Variants in DDX21 observed in about 807,000 individuals in gnomAD.
The protein encoded by DDX21 is nucleolar RNA helicase 2.
In DDX21, 18 loss-of-function variants were observed where a neutral mutation model predicts 90.0. That is an observed-to-expected ratio of 0.20 (90% CI 0.14 to 0.30). The LOEUF (loss-of-function observed/expected upper bound fraction) is 0.30. DDX21 is among the 10% of genes least tolerant of loss of function. The pLI is 1.00. For missense variants in DDX21, 673 were observed against 944.5 expected (o/e 0.71, Z 3.77); for synonymous variants, 294 against 318.0 (o/e 0.92, Z 0.80).
intron 6 of DDX21, 113 bp from the exon 7 acceptor site, chr10:68,968,863 T>C (rs1842979869): frequency 7.9e-7 from 1 of 1,267,578 alleles, no homozygotes; most frequent in East Asian, 2.5e-5. Context: ...CGACTTGGCC[T>C]CAGGTGGTTG....
intron 6 of DDX21, among the ~76,000 whole-genome samples, chr10:68,967,568 C>T (rs896031324): frequency 1.3e-5 from 2 of 151,592 alleles, no homozygotes; most frequent in Non-Finnish European, 2.9e-5. Context: ...AAAGTCATTA[C>T]TCTGGGATTA....
chr10:68,960,215 C>G lies in DDX21; in HGVS notation c.497C>G (p.Ala166Gly), dbSNP rs770854840. The G allele has an allele frequency of 6.2e-7, 1 of 1,607,132 alleles. No individual in the cohort carries two copies. Among genetic ancestry groups the G allele is most frequent in the Admixed American group, 1.7e-5 (1 of 57,626 alleles). The part of the protein sequence containing the change: ...HPEPDCNPSE[A>G]ASEESNSEIE... ...GAACCGGACTGTAACCCCAGTGAAG[C>G]TGCCAGTGAAGAAAGTAACAGTGAG... Residue 166 changes from alanine (A) to glycine (G), a missense_variant, in exon 2 of 15, where the codon GCT becomes GGT. Around this residue, in one of 4 missense-constraint regions of DDX21, gnomAD observed 204 missense variants for 221.6 expected, o/e 0.92. Transcript: ENST00000354185.
At chr10:68,956,525 C>G (rs1842796756) in intron 1 of DDX21, 3 of 1,413,070 alleles carry the variant, frequency 2.1e-6, no homozygotes, top group Non-Finnish European at 2.8e-6. Flanking sequence ...GTCCGCCGTG[C>G]GCTGACCTCT....
At chr10:68,981,359 T>G (rs1843188640) in intron 13 of DDX21, among the ~76,000 whole-genome samples, 178 bp from the exon 14 acceptor site, 1 of 152,228 alleles carries the variant, frequency 6.6e-6, no homozygotes, top group Admixed American at 6.5e-5. Flanking sequence ...CTTTCTGCAG[T>G]GTACTTTTGG....
In DDX21 at chr10:68,975,771, G is replaced by A. The variant is rs536332347; in HGVS notation, c.1742+1028G>A. Among the ~76,000 whole-genome samples the A allele has an allele frequency of 6.6e-5, 10 of 152,042 alleles. No individual in the cohort carries two copies. In the South Asian group the frequency reaches 1.2e-3, roughly 19 times the overall value. On this transcript the variant is annotated intron_variant, in intron 11 of 14. Coordinates refer to ENST00000354185, the MANE Select transcript of DDX21 (RefSeq NM_004728.4). ...CTATAAAAAATACAAAAATTAGGCC[G>A]GGTGCGGTGGCTCACACCTGTAATC...
chr10:68,982,445 C>A, intron 14 of DDX21, 98 bp from the exon 15 acceptor site: 2 of 1,472,050 alleles, frequency 1.4e-6, no homozygotes, highest in Non-Finnish European at 1.8e-6. Context: ...ATGTTATCAC[C>A]TTTTCTTTGA....
Position 68,973,996 on chromosome 10 carries a change from A to G in DDX21, c.1668+332A>G, listed in dbSNP as rs77021976. On this transcript the variant is annotated intron_variant, in intron 10 of 14. Transcript: ENST00000354185. ...GTCAAAAGGATAAAGGGGAGAAGAG[A>G]CTAATTTTTCCTCCAGGAGAATTGG... Among the ~76,000 whole-genome samples the G allele has an allele frequency of 1.6e-3, 249 of 152,312 alleles. 1 individual carries two copies. Among genetic ancestry groups the G allele is most frequent in the Non-Finnish European group, 2.5e-3 (169 of 68,026 alleles).
Position 68,971,938 on chromosome 10 carries a change from C to A in DDX21, c.1434C>A (p.Ile478=). Residue 478 remains isoleucine, a synonymous_variant, in exon 9 of 15, where the codon ATC becomes ATA. Transcript: ENST00000354185. The part of the protein sequence containing the change: ...HGDIPQKQRE[I]TLKGFRNGSF... ...ACATTCCACAGAAGCAAAGGGAAAT[C>A]ACCCTGAAAGGTTTTAGAAATGGTA... 1 of 1,614,166 alleles carries A rather than the reference C, an allele frequency of 6.2e-7. No homozygotes were observed. Among genetic ancestry groups the A allele is most frequent in the Non-Finnish European group, 8.5e-7 (1 of 1,180,018 alleles).
chr10:68,972,203 A>G (rs188281295), intron 9 of DDX21, 151 bp downstream of exon 9: 1 of 872,200 alleles, frequency 1.1e-6, no homozygotes, highest in African/African-American at 1.7e-5. Context: ...TGAACCTGTT[A>G]TCAGACACCC....
At chr10:68,956,357 G>T in intron 1 of DDX21, 45 bp downstream of exon 1, 1 of 1,610,276 alleles carries the variant, frequency 6.2e-7, no homozygotes, top group South Asian at 1.1e-5. Flanking sequence ...TGAATGGAGC[G>T]GAACCCCGGG....
rs532040466 is a variant in DDX21 at position 68,984,487 on chromosome 10, A to G, written c.*1675A>G. ...ATCCACTTGCCAGTTTTATCACTTTACCCTTGTTCCTCATGGCTTCCCATC... is the reference window on the plus strand; with the variant it reads ...ATCCACTTGCCAGTTTTATCACTTTGCCCTTGTTCCTCATGGCTTCCCATC... On this transcript the variant is annotated 3_prime_UTR_variant, in exon 15 of 15. Coordinates refer to ENST00000354185, the MANE Select transcript of DDX21 (RefSeq NM_004728.4). 6.6e-6 allele frequency: 1 copy of G among 152,262 alleles called. No homozygotes were observed. Among genetic ancestry groups the G allele is most frequent in the East Asian group, 1.9e-4 (1 of 5,180 alleles). 9.4% of individuals were successfully genotyped at this position (152,262 alleles called of 1,614,324 possible).
chr10:68,972,125 A>T lies in DDX21; in HGVS notation c.1548+73A>T, dbSNP rs911781641. On this transcript the variant is annotated intron_variant, in intron 9 of 14. Coordinates refer to ENST00000354185, the MANE Select transcript of DDX21 (RefSeq NM_004728.4). ...ATTAAAACAAATTGGAAATTGTATT[A>T]TTTACTTTCATGTCATTAGTATATA... The T allele has an allele frequency of 1.0e-4, 155 of 1,506,256 alleles. No homozygotes were observed. The Admixed American group carries it at 1.1e-3, about 11-fold the overall frequency. 93.3% of individuals were successfully genotyped at this position (1,506,256 alleles called of 1,614,324 possible). A position where few individuals can be genotyped will look rare whatever the true frequency, so the allele number is the denominator to read the frequency against.
intron 2 of DDX21, among the ~76,000 whole-genome samples, chr10:68,961,810 A>AATCTTAGTTGAG (rs1428163256): frequency 6.6e-6 from 1 of 152,218 alleles, no homozygotes; most frequent in African/African-American, 2.4e-5. Context: ...AGTCACACAT[A>AATCTTAGTTGAG]ATCTTAGTTG....
Position 68,966,998 on chromosome 10 carries a change from C to G in DDX21, c.905-20C>G, listed in dbSNP as rs754709323. On this transcript the variant is annotated intron_variant, in intron 5 of 14. Transcript: ENST00000354185. ...AGTACTTACTAAAAACCCAGCAAAT[C>G]TTGTCATTGTTTTTTATAGTTGAAC... is the stretch of plus-strand genomic sequence containing the variant. 6.3e-7 allele frequency: 1 copy of G among 1,599,302 alleles called. No individual in the cohort carries two copies. Among genetic ancestry groups the G allele is most frequent in the Non-Finnish European group, 8.5e-7 (1 of 1,170,282 alleles).
Position 68,971,959 on chromosome 10 carries a change from T to C in DDX21, c.1455T>C (p.Asn485=). ...QREITLKGFR[N]GSFGVLVATN... is the part of the protein sequence containing the mutation. Reference sequence around the variant, plus strand: ...AAATCACCCTGAAAGGTTTTAGAAATGGTAGTTTTGGAGTTTTGGTGGCAA... The same window carrying C: ...AAATCACCCTGAAAGGTTTTAGAAACGGTAGTTTTGGAGTTTTGGTGGCAA... Residue 485 remains asparagine, a synonymous_variant, in exon 9 of 15, where the codon AAT becomes AAC. Coordinates refer to ENST00000354185, the MANE Select transcript of DDX21 (RefSeq NM_004728.4). 6.2e-7 allele frequency: 1 copy of C among 1,614,130 alleles called. No individual in the cohort carries two copies. Among genetic ancestry groups the C allele is most frequent in the Non-Finnish European group, 8.5e-7 (1 of 1,180,004 alleles).
At chr10:68,956,367 G>C in intron 1 of DDX21, 55 bp downstream of exon 1, 2 of 1,608,572 alleles carry the variant, frequency 1.2e-6, no homozygotes, top group South Asian at 1.1e-5. Context: ...GGAACCCCGG[G>C]GTGCGGGAGA....
At chr10:68,956,771 G>A in intron 1 of DDX21, 3 of 1,002,570 alleles carry the variant, frequency 3.0e-6, no homozygotes, top group South Asian at 8.1e-5. Flanking sequence ...GGCCGGGTGC[G>A]GTGGCTCACG....
chr10:68,958,901 T>A (rs1030952888), intron 1 of DDX21, among the ~76,000 whole-genome samples: 1 of 152,196 alleles, frequency 6.6e-6, no homozygotes, highest in Non-Finnish European at 1.5e-5. Context: ...TAAATTCATT[T>A]GCTCTTGTAA....
chr10:68,982,612 C>G lies in DDX21; in HGVS notation c.2152C>G (p.Arg718Gly). The change falls in exon 15 of 15, where the codon CGG (arginine) becomes GGG (glycine). Residue 718 changes from arginine (R) to glycine (G), a missense_variant. Physicochemically the swap from Arg to Gly is moderately radical, Grantham distance 125. Coordinates refer to ENST00000354185, the MANE Select transcript of DDX21 (RefSeq NM_004728.4). ...ATEQPELEGP[R>G]EGYGGFRGQR... ...AGAGCAACCAGAACTGGAAGGACCA[C>G]GGGAAGGATATGGAGGCTTCAGGGG... 5.6e-6 allele frequency: 9 copies of G among 1,614,034 alleles called. No individual in the cohort carries two copies. Among genetic ancestry groups the G allele is most frequent in the Non-Finnish European group, 7.6e-6 (9 of 1,180,028 alleles).
Sources: allele counts gnomAD v4.1 joint callset (sites outside exome capture counted in the v4.1 genomes callset), GRCh38; gene constraint gnomAD v4.1.1; regional missense constraint gnomAD v4.1.1; transcripts MANE v1.5; gene names NCBI Gene and HGNC (gene_info 2026-07-23, HGNC 2026-07-21).